The following RADIL variants were observed in gnomAD, a reference collection of about 807,000 sequenced individuals.
RADIL encodes Rap associating with DIL domain, also known as ras-associating and dilute domain-containing protein.
A neutral mutation model predicts 97.6 loss-of-function variants in RADIL; 99 were observed. That is an observed-to-expected ratio of 1.01 (90% CI 0.86 to 1.20). The LOEUF (loss-of-function observed/expected upper bound fraction) is 1.20. RADIL is among the 50% of genes most tolerant of loss of function. The probability of loss-of-function intolerance (pLI) is 0.00; values close to 1 mark genes in which losing one functional copy is unlikely to be tolerated. For missense variants in RADIL, 1,765 were observed against 1,498.9 expected, an observed-to-expected ratio of 1.18 and a Z score of -2.93; for synonymous variants, 803 against 691.8, an observed-to-expected ratio of 1.16 and a Z score of -2.52.
Position 4,817,220 on chromosome 7 carries a change from G to A in RADIL, c.1728+19C>T. On this transcript the variant is annotated intron_variant, in intron 7 of 14. Transcript: ENST00000399583. This position sits in a 1 kb window ranked among gnomAD's most constrained non-coding sequence, Gnocchi z 8.3. ...TCCCAGGAGCTGCCTGAGTGCAGAA[G>A]CAGAGCCCGTCCGTGCACCTTGGAG... 6.3e-7 allele frequency: 1 copy of A among 1,597,378 alleles called. No homozygotes were observed. Among genetic ancestry groups the A allele is most frequent in the Admixed American group, 1.7e-5 (1 of 59,118 alleles).
intron 9 of RADIL, among the ~76,000 whole-genome samples, chr7:4,806,739 C>T (rs983378244): frequency 2.6e-5 from 4 of 152,230 alleles, no homozygotes; most frequent in African/African-American, 4.8e-5. Context: ...CACTGCCCTG[C>T]GTGCTGGAAC....
chr7:4,829,113 A>G (rs1161211315), intron 5 of RADIL, among the ~76,000 whole-genome samples: 2 of 151,632 alleles, frequency 1.3e-5, no homozygotes, highest in African/African-American at 4.9e-5. Context: ...TCCCATGCAA[A>G]CTTCTCCTCA....
chr7:4,882,811 T>C (rs1251824718), intron 1 of RADIL, among the ~76,000 whole-genome samples: 2 of 152,182 alleles, frequency 1.3e-5, no homozygotes, highest in African/African-American at 2.4e-5. Flanking sequence ...CTGGTTCCTG[T>C]CTGGAATGCA....
chr7:4,802,953 G>A (rs1272778079), intron 11 of RADIL, among the ~76,000 whole-genome samples: 4 of 75,356 alleles, frequency 5.3e-5, no homozygotes, highest in East Asian at 7.8e-4. Flanking sequence ...CTCGGGGCAC[G>A]CTGGCTGGGG....
chr7:4,861,429 T>C, intron 2 of RADIL: 2 of 1,614,194 alleles, frequency 1.2e-6, no homozygotes, highest in Middle Eastern at 1.6e-4. Flanking sequence ...AAAAAGTCGC[T>C]TCGATCCACA....
intron 2 of RADIL, chr7:4,862,003 A>AC (rs964078167): frequency 1.4e-5 from 6 of 434,896 alleles, no homozygotes; most frequent in African/African-American, 2.1e-5. Flanking sequence ...ATGGCGCCAG[A>AC]CCCCTCAGCG....
intron 9 of RADIL, among the ~76,000 whole-genome samples, chr7:4,810,055 G>C (rs1047703695): frequency 6.6e-6 from 1 of 152,136 alleles, no homozygotes; most frequent in African/African-American, 2.4e-5. Flanking sequence ...AGGTTTCAGT[G>C]GTGGCCAGGC....
rs759551646 is a variant in RADIL at position 4,801,869 on chromosome 7, A to G, written c.2626T>C (p.Trp876Arg). 27 of 1,590,954 alleles carry G rather than the reference A, an allele frequency of 1.7e-5. No homozygotes were observed. Among genetic ancestry groups the G allele is most frequent in the Non-Finnish European group, 2.1e-5 (25 of 1,169,378 alleles). ...ERTLPLRGAP[W>R]AQAPPGRQPS... ...TGCCTTCCAGGGGGGGCCTGTGCCC[A>G]GGGAGCCCCCCTCAAGGGAAGAGTA... Residue 876 changes from tryptophan (W) to arginine (R), a missense_variant, in exon 12 of 15, where the codon TGG (tryptophan) becomes CGG (arginine). Transcript: ENST00000399583.
chr7:4,881,716 G>A (rs1249466956), intron 1 of RADIL, among the ~76,000 whole-genome samples: 2 of 144,366 alleles, frequency 1.4e-5, no homozygotes, highest in East Asian at 2.0e-4. Context: ...AACAGAGTGA[G>A]ACTCCGTCTC....
At position 4,836,532 on chromosome 7, in the gene RADIL, G is replaced by A. The variant is rs770849071; in HGVS notation, c.609C>T (p.Ala203=). The A allele has an allele frequency of 6.2e-7, 1 of 1,607,720 alleles. No individual in the cohort carries two copies. The highest frequency in any genetic ancestry group is 8.5e-7 in the Non-Finnish European group (1 of 1,179,328). The change falls in exon 3 of 15, where the codon GCC becomes GCT. Residue 203 remains alanine, a synonymous_variant. Transcript: ENST00000399583. ...GCAACCGGGGTGGAGGAGAGCTCCGGGCATCCCCCAGGGCCGGGGTCGGGG... is the reference window on the plus strand; with the variant it reads ...GCAACCGGGGTGGAGGAGAGCTCCGAGCATCCCCCAGGGCCGGGGTCGGGG... The part of the protein sequence containing the change: ...KGTPTPALGD[A]RSSPPPRLRR...
chr7:4,880,120 A>T lies in RADIL; in HGVS notation c.-64-1917T>A, dbSNP rs183010567. On this transcript the variant is annotated intron_variant, in intron 1 of 14. Coordinates refer to ENST00000399583, the MANE Select transcript of RADIL (RefSeq NM_018059.5). The surrounding 1 kb of genome is among the most constrained non-coding windows in gnomAD (Gnocchi z 4.5). ...GGCTTTCGCTGTGCCTGGCTTTCTG[A>T]AGAGGTGAATTTGCTGTAACAGGTC... Among the ~76,000 whole-genome samples the T allele has an allele frequency of 1.6e-4, 24 of 152,236 alleles. No individual in the cohort carries two copies. The East Asian group carries it at 4.4e-3, about 28-fold the overall frequency.
chr7:4,876,138 A>G (rs1784371705), intron 2 of RADIL, among the ~76,000 whole-genome samples: 1 of 151,870 alleles, frequency 6.6e-6, no homozygotes, highest in Non-Finnish European at 1.5e-5. Context: ...ATAGGTATGC[A>G]CCACCATGCC....
chr7:4,866,384 G>T (rs779719730), intron 2 of RADIL, among the ~76,000 whole-genome samples: 4 of 152,074 alleles, frequency 2.6e-5, no homozygotes, highest in Non-Finnish European at 5.9e-5. Flanking sequence ...TTTGTCTATT[G>T]CAACATATCC....
chr7:4,865,615 G>A (rs546481285), intron 2 of RADIL: 9 of 827,106 alleles, frequency 1.1e-5, no homozygotes, highest in South Asian at 2.7e-5. Flanking sequence ...TGCTCCTTTC[G>A]ATGGTCACCA....
chr7:4,803,846 C>T lies in RADIL; in HGVS notation c.2291-92G>A, dbSNP rs1464394840. On this transcript the variant is annotated intron_variant, in intron 10 of 14. Transcript: ENST00000399583. ...CCCAACGGTGTGGGAACCCAGGGGC[C>T]AGCAGATTGAGCCCTGAGTCCCCTG... The T allele has an allele frequency of 5.0e-6, 6 of 1,203,034 alleles. No individual in the cohort carries two copies. The Admixed American group carries it at 9.9e-5, about 20-fold the overall frequency. 74.5% of individuals were successfully genotyped at this position (1,203,034 alleles called of 1,614,324 possible).
Position 4,815,779 on chromosome 7 carries a change from C to A in RADIL, c.1967-329G>T, listed in dbSNP as rs1462995832. On this transcript the variant is annotated intron_variant, in intron 8 of 14. Coordinates refer to ENST00000399583, the MANE Select transcript of RADIL (RefSeq NM_018059.5). This position sits in a 1 kb window ranked among gnomAD's most constrained non-coding sequence, Gnocchi z 8.0. ...GCCCCCACCTGGGTCTCCCCACGCC[C>A]CACAGTGGCCCTGGCTGGGAGTGGC... Among the ~76,000 whole-genome samples, 1 of 152,144 alleles carries A rather than the reference C, an allele frequency of 6.6e-6. No individual in the cohort carries two copies. Among genetic ancestry groups the A allele is most frequent in the Non-Finnish European group, 1.5e-5 (1 of 68,018 alleles).
At chr7:4,807,256 G>C (rs1022559747) in intron 9 of RADIL, among the ~76,000 whole-genome samples, 1 of 152,108 alleles carries the variant, frequency 6.6e-6, no homozygotes, top group African/African-American at 2.4e-5. Flanking sequence ...TGCAGGAGGG[G>C]TGAGGGCACA....
Position 4,819,072 on chromosome 7 carries a change from C to CTCTCT in RADIL, c.1616-1722_1616-1721insAGAGA, listed in dbSNP as rs1554262072. 2.2e-5 allele frequency among the ~76,000 whole-genome samples: 3 copies of CTCTCT among 133,344 alleles called. No homozygotes were observed. The highest frequency in any genetic ancestry group is 8.8e-5 in the African/African-American group (3 of 34,272). 87.5% of individuals were successfully genotyped at this position (133,344 alleles called of 152,430 possible). On this transcript the variant is annotated intron_variant, in intron 6 of 14. Transcript: ENST00000399583. The surrounding 1 kb of genome is among the most constrained non-coding windows in gnomAD (Gnocchi z 5.8). ...ACTCCATTTCTCTCTCTCTCTCTCT[C>CTCTCT]TTTTTTTTTTTTTTTTAAAGACAGA...
intron 2 of RADIL, among the ~76,000 whole-genome samples, chr7:4,866,788 T>C (rs1784141103): frequency 6.6e-6 from 1 of 152,178 alleles, no homozygotes; most frequent in Non-Finnish European, 1.5e-5. Context: ...ATGTTGGAAT[T>C]TGATCCCCAA....
Sources: gnomAD v4.1 joint callset for allele counts (sites outside exome capture counted in the v4.1 genomes callset) on GRCh38, gnomAD v4.1.1 for gene constraint, Gnocchi (gnomAD v3.1) non-coding constraint, MANE v1.5 for transcripts, NCBI Gene and HGNC (gene_info 2026-07-23, HGNC 2026-07-21) for gene names.